PIN4: variants seen among roughly 807,000 people sequenced by gnomAD.
PIN4 encodes the protein peptidyl-prolyl cis-trans isomerase NIMA-interacting 4.
PIN4 carries 3 observed loss-of-function variants against 8.3 expected under a neutral mutation model. That is an observed-to-expected ratio of 0.36 (90% CI 0.16 to 0.93). The LOEUF is 0.93. PIN4 is among the 40% of genes least tolerant of loss of function. The pLI, the probability that PIN4 is intolerant of heterozygous loss-of-function variation, is 0.44. For missense variants in PIN4, 75 were observed against 100.6 expected (o/e 0.75, Z 1.09); for synonymous variants, 18 against 32.5 (o/e 0.55, Z 1.52).
intron 3 of PIN4, among the ~76,000 whole-genome samples, chrX:72,260,849 A>G (rs1333280486): frequency 9.0e-6 from 1 of 111,544 alleles, no homozygotes; most frequent in Non-Finnish European, 1.9e-5. Flanking sequence ...CATGAAACCA[A>G]TCCCTTCTTT....
downstream of PIN4, among the ~76,000 whole-genome samples, chrX:72,202,239 G>T (rs2147578984): frequency 8.9e-6 from 1 of 112,578 alleles, no homozygotes; most frequent in African/African-American, 3.2e-5. Context: ...TTCTACCCAT[G>T]AACCCCAGGT....
At chrX:72,249,983 C>G (rs1233507962) in intron 3 of PIN4, among the ~76,000 whole-genome samples, 1 of 110,475 alleles carries the variant, frequency 9.1e-6, no homozygotes, top group Admixed American at 9.7e-5. Flanking sequence ...AGGGCATTTT[C>G]AAAATCTCCT....
At chrX:72,224,524 A>G (rs1156395766) in intron 3 of PIN4, among the ~76,000 whole-genome samples, 2 of 111,830 alleles carry the variant, frequency 1.8e-5, no homozygotes, top group Non-Finnish European at 3.8e-5. Context: ...AGGCAGGCGG[A>G]TCACCTGAGT....
chrX:72,239,007 G>A (rs767407080), intron 3 of PIN4: 22 of 853,965 alleles, frequency 2.6e-5, no homozygotes, highest in South Asian at 6.7e-5. Context: ...CTTGAATTTC[G>A]CTCACTCCCG....
chrX:72,249,109 A>T (rs185456683), intron 3 of PIN4, among the ~76,000 whole-genome samples: 2 of 112,101 alleles, frequency 1.8e-5, no homozygotes, highest in East Asian at 5.6e-4. Context: ...GAGCTCCTAC[A>T]AATCAATAAT....
rs144267277 is a variant in PIN4 at position 72,235,389 on chromosome X, CTTTTTTTTTTT to C, written c.313-27306_313-27296del. Among the ~76,000 whole-genome samples, 17 of 68,570 alleles carry C rather than the reference CTTTTTTTTTTT, an allele frequency of 2.5e-4. 1 individual carries two copies. The highest frequency in any genetic ancestry group is 1.2e-3 in the African/African-American group (17 of 14,760). 59.5% of individuals were successfully genotyped at this position (68,570 alleles called of 115,157 possible). On this transcript the variant is annotated intron_variant, in intron 3 of 3. Coordinates refer to the PIN4 transcript ENST00000423432. ...CCTCCTCTTCTGCCTCCCTCTTCCA[CTTTTTTTTTTT>C]TTTTTTTTTTTGGAGATGGAGTTTC...
At chrX:72,183,471 CAGAT>C (rs1216717626) in intron 1 of PIN4, among the ~76,000 whole-genome samples, 1 of 111,564 alleles carries the variant, frequency 9.0e-6, no homozygotes, top group African/African-American at 3.3e-5. Flanking sequence ...AAGAGGCAGA[CAGAT>C]AGAGGGAGTG....
At chrX:72,213,542 C>T (rs1199211151) in intron 3 of PIN4, among the ~76,000 whole-genome samples, 2 of 111,933 alleles carry the variant, frequency 1.8e-5, no homozygotes, top group Non-Finnish European at 1.9e-5. Flanking sequence ...CGCTCACCGT[C>T]CACCACTGCT....
At chrX:72,199,364 C>T (rs1462576481), downstream of PIN4, among the ~76,000 whole-genome samples, 2 of 111,178 alleles carry the variant, frequency 1.8e-5, no homozygotes, top group African/African-American at 6.6e-5. Flanking sequence ...ATGGTAAAAC[C>T]CCGTTTCTAC....
At chrX:72,218,739 G>T (rs1227041080) in intron 3 of PIN4, among the ~76,000 whole-genome samples, 1 of 111,551 alleles carries the variant, frequency 9.0e-6, no homozygotes, top group African/African-American at 3.3e-5. Context: ...AAAAAAGCCA[G>T]CTGAGATTTT....
At chrX:72,203,390 T>G (rs906491896) in intron 3 of PIN4, among the ~76,000 whole-genome samples, 1 of 111,799 alleles carries the variant, frequency 8.9e-6, no homozygotes, top group Non-Finnish European at 1.9e-5. Context: ...AACCCCTAAT[T>G]TGTAGCCAAG....
At chrX:72,252,900 A>C (rs1226526841) in intron 3 of PIN4, among the ~76,000 whole-genome samples, 1 of 111,834 alleles carries the variant, frequency 8.9e-6, no homozygotes, top group African/African-American at 3.3e-5. Flanking sequence ...TGAGCAAGTC[A>C]CCAAGAATCC....
At chrX:72,245,917 G>A (rs1017517472) in intron 3 of PIN4, among the ~76,000 whole-genome samples, 6 of 111,520 alleles carry the variant, frequency 5.4e-5, no homozygotes, top group Admixed American at 9.6e-5. Flanking sequence ...GGCACCAAAG[G>A]ATAGAGAAAC....
exon 4 of PIN4, chrX:72,262,910 T>C (rs1481672961): frequency 2.3e-6 from 1 of 436,226 alleles, no homozygotes; most frequent in Non-Finnish European, 3.9e-6. Context: ...ACAAAAACTA[T>C]GGATTTTTGT....
At chrX:72,254,766 T>A (rs1398754950) in intron 3 of PIN4, among the ~76,000 whole-genome samples, 2 of 112,916 alleles carry the variant, frequency 1.8e-5, no homozygotes, top group Admixed American at 9.4e-5. Flanking sequence ...TGAAATATCC[T>A]GTGTCATTGC....
chrX:72,262,082 T>C (rs906679765), intron 3 of PIN4, among the ~76,000 whole-genome samples: 5 of 111,631 alleles, frequency 4.5e-5, no homozygotes, highest in Non-Finnish European at 9.4e-5. Flanking sequence ...GTGTCTCTTC[T>C]ATGGGCCTCC....
At chrX:72,190,054 G>A (rs1569488366) in intron 2 of PIN4, among the ~76,000 whole-genome samples, 2 of 110,057 alleles carry the variant, frequency 1.8e-5, no homozygotes, top group Non-Finnish European at 3.8e-5. Context: ...TCCTGCCTCC[G>A]CCAATCCTGT....
At chrX:72,187,616 T>C (rs922283710) in intron 2 of PIN4, among the ~76,000 whole-genome samples, 3 of 111,328 alleles carry the variant, frequency 2.7e-5, no homozygotes, top group Admixed American at 9.6e-5. Flanking sequence ...CTGGGCAATA[T>C]AGCAAGACCC....
chrX:72,227,507 C>G lies in PIN4; in HGVS notation c.312+30603C>G, dbSNP rs866680489. On this transcript the variant is annotated intron_variant, in intron 3 of 3. Coordinates refer to the PIN4 transcript ENST00000423432. The stretch of plus-strand genomic sequence containing the variant: ...CCTTAATGCTCAGCCCCTTTGAACT[C>G]ATGTATGGGAAACCACTGGCCCCTT... 5.4e-5 allele frequency among the ~76,000 whole-genome samples: 6 copies of G among 112,036 alleles called. No homozygotes were observed. In the East Asian group the frequency reaches 1.7e-3, roughly 32 times the overall value.
Sources: gnomAD v4.1 joint callset for allele counts (sites outside exome capture counted in the v4.1 genomes callset) on GRCh38, gnomAD v4.1.1 for gene constraint, MANE v1.5 for transcripts, NCBI Gene and HGNC (gene_info 2026-07-23, HGNC 2026-07-21) for gene names.